GSE1: variants seen among roughly 807,000 people sequenced by gnomAD.
The protein encoded by GSE1 is Gse1 coiled-coil protein, also known as genetic suppressor element 1.
In GSE1, 32 loss-of-function variants were observed where a neutral mutation model predicts 112.6. The observed-to-expected ratio is 0.28, with a 90% CI of 0.21 to 0.38. The LOEUF (loss-of-function observed/expected upper bound fraction) is 0.38, where lower values mean the gene tolerates loss of function less well. Ranked by LOEUF, GSE1 falls within the 10% of genes least tolerant of loss-of-function variation. The pLI is 1.00. For missense variants in GSE1, 2,348 were observed against 1,699.2 expected, an observed-to-expected ratio of 1.38 and a Z score of -6.71; for synonymous variants, 1,115 against 735.6, an observed-to-expected ratio of 1.52 and a Z score of -8.35.
chr16:85,576,345 C>T (rs1405529600), intron 1 of GSE1, among the ~76,000 whole-genome samples: 4 of 152,144 alleles, frequency 2.6e-5, no homozygotes, highest in African/African-American at 9.7e-5. Context: ...CCAGACTCTA[C>T]GAGGAAATAG....
chr16:85,547,203 C>A (rs2044730959), intron 2 of GSE1, among the ~76,000 whole-genome samples: 1 of 152,202 alleles, frequency 6.6e-6, no homozygotes, highest in Non-Finnish European at 1.5e-5. Flanking sequence ...GCTGGTGGGA[C>A]AGAGGGCATT....
At chr16:85,361,164 G>T (rs1470210896) in intron 2 of GSE1, among the ~76,000 whole-genome samples, 2 of 101,894 alleles carry the variant, frequency 2.0e-5, no homozygotes, top group African/African-American at 7.6e-5. Context: ...ACACACACAG[G>T]GGCAGAGACA....
intron 2 of GSE1, among the ~76,000 whole-genome samples, chr16:85,442,176 G>C (rs1243293834): frequency 1.3e-5 from 2 of 152,202 alleles, no homozygotes; most frequent in Admixed American, 6.5e-5. Flanking sequence ...TCAGGCCTCA[G>C]CTCAGGTATC....
upstream of GSE1, chr16:85,555,924 C>G (rs189167158): frequency 1.3e-5 from 13 of 967,434 alleles, no homozygotes; most frequent in Non-Finnish European, 1.6e-5. Context: ...TCCTCTTCCC[C>G]GCCTGCTTCC....
At chr16:85,532,801 T>C (rs574129473) in intron 2 of GSE1, among the ~76,000 whole-genome samples, 3 of 152,298 alleles carry the variant, frequency 2.0e-5, no homozygotes, top group South Asian at 4.1e-4. Context: ...CCTGTTCTTA[T>C]ATGTGAGGGT....
intron 1 of GSE1, 21 bp from the exon 2 acceptor site, chr16:85,633,893 G>C (rs562413164): frequency 2.5e-6 from 4 of 1,595,480 alleles, no homozygotes; most frequent in South Asian, 2.2e-5. Context: ...GTGACCTCTG[G>C]TTCTTCTTTT....
At chr16:85,200,698 G>A (rs1361893625) in intron 1 of GSE1, among the ~76,000 whole-genome samples, 1 of 152,222 alleles carries the variant, frequency 6.6e-6, no homozygotes, top group African/African-American at 2.4e-5. Context: ...CAGTTCAAGG[G>A]CTAGTAGGTC....
intron 1 of GSE1, among the ~76,000 whole-genome samples, chr16:85,568,246 C>T (rs1459470440): frequency 6.6e-6 from 1 of 152,216 alleles, no homozygotes; most frequent in African/African-American, 2.4e-5. Flanking sequence ...TTCCTGAAGA[C>T]CTGTGACATG....
At chr16:85,621,282 C>T (rs1219261089) in intron 1 of GSE1, among the ~76,000 whole-genome samples, 1 of 152,216 alleles carries the variant, frequency 6.6e-6, no homozygotes, top group Admixed American at 6.5e-5. Context: ...TTGGGGAACC[C>T]GTTTAGATGG....
At chr16:85,358,575 C>T (rs1364131791) in intron 2 of GSE1, among the ~76,000 whole-genome samples, 1 of 152,206 alleles carries the variant, frequency 6.6e-6, no homozygotes, top group Non-Finnish European at 1.5e-5. Context: ...CAGGGGACTG[C>T]TGGGGGCCTG....
At chr16:85,431,942 G>A (rs2049132281) in intron 2 of GSE1, among the ~76,000 whole-genome samples, 1 of 152,382 alleles carries the variant, frequency 6.6e-6, no homozygotes. Context: ...AATGAGTGGC[G>A]GGGCTGTGGG....
At chr16:85,208,949 C>T (rs549421562) in intron 1 of GSE1, among the ~76,000 whole-genome samples, 2 of 145,710 alleles carry the variant, frequency 1.4e-5, no homozygotes, top group East Asian at 4.0e-4. Flanking sequence ...GGGTTCGCCG[C>T]ATGTTGGGGT....
intron 1 of GSE1, among the ~76,000 whole-genome samples, chr16:85,565,416 C>A (rs11860251): frequency 0.05 from 7,277 of 145,834 alleles, 777 homozygotes; most frequent in African/African-American, 0.19. Flanking sequence ...CAAAAAAAAA[C>A]AAAAAAACCA....
At chr16:85,444,439 T>C (rs2151788435) in intron 2 of GSE1, among the ~76,000 whole-genome samples, 1 of 152,260 alleles carries the variant, frequency 6.6e-6, no homozygotes, top group South Asian at 2.1e-4. Flanking sequence ...GAGTTCGCAC[T>C]GCAGGAGGCC....
intron 2 of GSE1, among the ~76,000 whole-genome samples, chr16:85,378,527 C>G (rs2047473468): frequency 6.6e-6 from 1 of 152,242 alleles, no homozygotes; most frequent in Admixed American, 6.5e-5. Flanking sequence ...CTCTCCCTCT[C>G]TATAATCAGC....
intron 1 of GSE1, among the ~76,000 whole-genome samples, chr16:85,336,322 A>G (rs2046482922): frequency 6.6e-6 from 1 of 152,354 alleles, no homozygotes; most frequent in Non-Finnish European, 1.5e-5. Context: ...GAAGCCTGGC[A>G]CTGAGCCAGG....
At chr16:85,459,982 A>G (rs904426497) in intron 2 of GSE1, among the ~76,000 whole-genome samples, 2 of 152,216 alleles carry the variant, frequency 1.3e-5, no homozygotes, top group Non-Finnish European at 2.9e-5. Context: ...TCTGCCAGAA[A>G]GCAGACCCTG....
At position 85,373,165 on chromosome 16, in the gene GSE1, TG is replaced by T. The variant is rs1295623707; in HGVS notation, c.2464+15523del. Among the ~76,000 whole-genome samples, 1 of 152,238 alleles carries T rather than the reference TG, an allele frequency of 6.6e-6. No homozygotes were observed. Among genetic ancestry groups the T allele is most frequent in the Non-Finnish European group, 1.5e-5 (1 of 68,032 alleles). On this transcript the variant is annotated intron_variant, in intron 2 of 2. Coordinates refer to the GSE1 transcript ENST00000637419. This position sits in a 1 kb window ranked among gnomAD's most constrained non-coding sequence, Gnocchi z 5.1. Reference sequence around the variant, plus strand: ...AGCAGCAGCCAATGTGGCCATGGGATGCCGGCTCCTTGTCCACCAGGGTGGG... The same window carrying T: ...AGCAGCAGCCAATGTGGCCATGGGATCCGGCTCCTTGTCCACCAGGGTGGG...
chr16:85,527,766 G>A (rs749765417), intron 2 of GSE1, among the ~76,000 whole-genome samples: 3 of 152,272 alleles, frequency 2.0e-5, no homozygotes, highest in Non-Finnish European at 2.9e-5. Context: ...ACCGATGGAC[G>A]TGGACAGCTG....
Sources: gnomAD v4.1 joint callset for allele counts (sites outside exome capture counted in the v4.1 genomes callset) on GRCh38, gnomAD v4.1.1 for gene constraint, Gnocchi (gnomAD v3.1) non-coding constraint, MANE v1.5 for transcripts, NCBI Gene and HGNC (gene_info 2026-07-23, HGNC 2026-07-21) for gene names.